The following TTF1 variants were observed in gnomAD, a reference collection of about 807,000 sequenced individuals.
TTF1 encodes the protein transcription termination factor 1.
A neutral mutation model predicts 80.2 loss-of-function variants in TTF1; 64 were observed. The ratio of observed to expected loss-of-function variants is 0.80; its 90% CI spans 0.65 to 0.98. TTF1 has a LOEUF of 0.98. Ranked by LOEUF, TTF1 falls within the 50% of genes least tolerant of loss-of-function variation. The pLI is 0.00. For synonymous variants in TTF1, 372 were observed against 382.7 expected, an observed-to-expected ratio of 0.97 and a Z score of 0.33; for missense variants, 1,023 against 1,086.2, an observed-to-expected ratio of 0.94 and a Z score of 0.82.
In TTF1 at chr9:132,401,983, TTC is replaced by T. The variant is rs1189891752; in HGVS notation, c.837_838del (p.Lys280GlufsTer9). On this transcript the variant is annotated frameshift_variant, in exon 2 of 11. Coordinates refer to ENST00000334270, the MANE Select transcript of TTF1 (RefSeq NM_007344.4). LOFTEE classifies it high-confidence loss of function. The stretch of plus-strand genomic sequence containing the variant: ...AAATTCCTGGTGATTGGACTTTTTC[TTC>T]TTTTTTTTCTTAGACTTTTTTTTGT... 11 of 1,613,834 alleles carry T rather than the reference TTC, an allele frequency of 6.8e-6. No homozygotes were observed. The highest frequency in any genetic ancestry group is 9.3e-6 in the Non-Finnish European group (11 of 1,179,964).
rs55751097 is a variant in TTF1 at position 132,399,215 on chromosome 9, GAA to G, written c.1591+818_1591+819del. Among the ~76,000 whole-genome samples the G allele has an allele frequency of 7.4e-4, 97 of 130,818 alleles. 1 individual carries two copies. The East Asian group carries it at 8.5e-3, about 12-fold the overall frequency. The allele number at this position is 130,818 out of a possible 152,430, so 85.8% of individuals were successfully genotyped here. ...CTCTGTCTCAAAAAAAAAAAAAAAA[GAA>G]AAAAAAAAAAGTCTTTTATGAAATA... On this transcript the variant is annotated intron_variant, in intron 3 of 10. Coordinates refer to ENST00000334270, the MANE Select transcript of TTF1 (RefSeq NM_007344.4).
chr9:132,378,346 TGA>T, intron 10 of TTF1, among the ~76,000 whole-genome samples: 1 of 127,940 alleles, frequency 7.8e-6, no homozygotes, highest in Non-Finnish European at 1.6e-5. Context: ...TCATGTGGTG[TGA>T]GTGCATGTGG....
At chr9:132,406,738 T>G (rs1169513088) in intron 1 of TTF1, 52 bp downstream of exon 1, 2 of 151,834 alleles carry the variant, frequency 1.3e-5, no homozygotes, top group African/African-American at 2.4e-5. Context: ...CACGCTGAGT[T>G]TTTACGCGCG....
In TTF1 at chr9:132,401,622, T is replaced by G. The variant is rs775474745; in HGVS notation, c.1200A>C (p.Ala400=). The G allele has an allele frequency of 7.4e-6, 12 of 1,614,102 alleles. No individual in the cohort carries two copies. In the African/African-American group the frequency reaches 1.6e-4, roughly 22 times the overall value. Residue 400 remains alanine, a synonymous_variant, in exon 2 of 11, where the codon GCA becomes GCC. Transcript: ENST00000334270. ...KKRKLTSVKR[A]RVSGDDFSVP... is the part of the protein sequence containing the mutation. ...CTGAAAAATCATCACCAGACACTCG[T>G]GCCCTTTTGACAGACGTAAGCTTCC...
At chr9:132,396,674 GTT>G (rs5900975) in intron 4 of TTF1, among the ~76,000 whole-genome samples, 163 bp from the exon 5 acceptor site, 54 of 140,216 alleles carry the variant, frequency 3.9e-4, no homozygotes, top group Non-Finnish European at 3.9e-4. Flanking sequence ...TTTTTTGTTT[GTT>G]TTTTTTTTTT....
At chr9:132,383,732 C>T (rs1434395553) in intron 9 of TTF1, among the ~76,000 whole-genome samples, 1 of 152,078 alleles carries the variant, frequency 6.6e-6, no homozygotes, top group Non-Finnish European at 1.5e-5. Context: ...CTGGAAGTCT[C>T]GAATAAACAC....
intron 9 of TTF1, among the ~76,000 whole-genome samples, chr9:132,381,743 C>A (rs114068432): frequency 0.011 from 1,719 of 152,270 alleles, 35 homozygotes; most frequent in African/African-American, 0.039. Flanking sequence ...ATTTCCAATT[C>A]TCCACATTCA....
chr9:132,380,238 T>C (rs999154810), intron 9 of TTF1, among the ~76,000 whole-genome samples: 1 of 151,956 alleles, frequency 6.6e-6, no homozygotes, highest in Non-Finnish European at 1.5e-5. Context: ...CCCAGCTAAA[T>C]TTTTGTATTT....
Position 132,375,775 on chromosome 9 carries a change from T to G in TTF1, c.*140A>C. The stretch of plus-strand genomic sequence containing the variant: ...TTGGCTCACTGCAACCTCCACCTCC[T>G]GGGTTCAAGCAATTCTCCTGCCTCA... On this transcript the variant is annotated 3_prime_UTR_variant, in exon 11 of 11. Coordinates refer to ENST00000334270, the MANE Select transcript of TTF1 (RefSeq NM_007344.4). 1.7e-6 allele frequency: 1 copy of G among 598,938 alleles called. No homozygotes were observed. Among genetic ancestry groups the G allele is most frequent in the Non-Finnish European group, 2.9e-6 (1 of 340,364 alleles). 37.1% of individuals were successfully genotyped at this position (598,938 alleles called of 1,614,324 possible).
In TTF1 at chr9:132,401,709, T is replaced by C. The variant is rs141270032; in HGVS notation, c.1113A>G (p.Glu371=). The C allele has an allele frequency of 1.1e-3, 1,784 of 1,614,230 alleles. 23 individuals carry two copies. In the African/African-American group the frequency reaches 0.02, roughly 19 times the overall value. The change falls in exon 2 of 11, where the codon GAA becomes GAG. Residue 371 remains glutamate, a synonymous_variant. Transcript: ENST00000334270. ...SQVGSEVGTV[E]GSTALKGFKE... ...TGAACCCTTTAAGAGCTGTACTGCC[T>C]TCCACAGTCCCAACCTCACTGCCCA...
At chr9:132,386,422 T>A in intron 9 of TTF1, 134 bp downstream of exon 9, 1 of 801,398 alleles carries the variant, frequency 1.2e-6, no homozygotes, top group Non-Finnish European at 2.0e-6. Context: ...GCAAATACAC[T>A]GAATTTTAAC....
intron 10 of TTF1, 60 bp from the exon 11 acceptor site, chr9:132,376,228 C>T (rs1233624736): frequency 1.9e-6 from 3 of 1,540,570 alleles, no homozygotes; most frequent in Middle Eastern, 1.8e-4. Context: ...TTATCAAGGT[C>T]GAGGCATACA....
In TTF1 at chr9:132,401,949, C is replaced by G. The variant is rs747287429; in HGVS notation, c.873G>C (p.Leu291Phe). 6.8e-6 allele frequency: 11 copies of G among 1,612,200 alleles called. No individual in the cohort carries two copies. The East Asian group carries it at 2.5e-4, about 36-fold the overall frequency. ...KKSNHQEFEA[L>F]AMPEGSQVGS... is the part of the protein sequence containing the mutation. ...CCACTTGTGATCCTTCAGGCATGGC[C>G]AATGCCTCAAATTCCTGGTGATTGG... The change falls in exon 2 of 11, where the codon TTG becomes TTC. Residue 291 changes from leucine to phenylalanine, a missense_variant. Physicochemically the swap from Leu to Phe is conservative, Grantham distance 22. Coordinates refer to ENST00000334270, the MANE Select transcript of TTF1 (RefSeq NM_007344.4).
At chr9:132,391,100 GT>G (rs1288232626) in intron 6 of TTF1, among the ~76,000 whole-genome samples, 1 of 152,156 alleles carries the variant, frequency 6.6e-6, no homozygotes, top group African/African-American at 2.4e-5. Flanking sequence ...TGTTCATCCT[GT>G]TTCTGAGAAC....
At chr9:132,392,321 G>T in intron 5 of TTF1, 115 bp from the exon 6 acceptor site, 1 of 1,273,512 alleles carries the variant, frequency 7.9e-7, no homozygotes, top group Non-Finnish European at 1.1e-6. Flanking sequence ...GGCTGTCAGG[G>T]AACCCGGTCA....
chr9:132,392,692 C>G (rs1849582452), intron 5 of TTF1, among the ~76,000 whole-genome samples: 1 of 152,162 alleles, frequency 6.6e-6, no homozygotes, highest in African/African-American at 2.4e-5. Flanking sequence ...TTCCTCCAGA[C>G]CAGCACTGCC....
intron 10 of TTF1, among the ~76,000 whole-genome samples, chr9:132,378,790 G>A (rs1453024952): frequency 6.6e-6 from 1 of 152,004 alleles, no homozygotes; most frequent in Non-Finnish European, 1.5e-5. Context: ...ACGAGTGTGT[G>A]TGTGTGATGG....
rs1385379700 is a variant in TTF1, at chr9:132,390,761, C to T, written c.2058G>A (p.Leu686=). 6.2e-7 allele frequency: 1 copy of T among 1,614,112 alleles called. No homozygotes were observed. The highest frequency in any genetic ancestry group is 8.5e-7 in the Non-Finnish European group (1 of 1,180,056). The change falls in exon 7 of 11, where the codon CTG becomes CTA. Residue 686 remains leucine (L), a synonymous_variant. Transcript: ENST00000334270. ...TTAACTCCTGGGGAGACATCTTCTT[C>T]AGAATCACTTCTTCGACAGCCTTGA... The part of the protein sequence containing the change: ...KLIKAVEEVI[L]KKMSPQELKE...
chr9:132,387,474 C>T (rs1421845091), intron 8 of TTF1, among the ~76,000 whole-genome samples: 20 of 152,054 alleles, frequency 1.3e-4, no homozygotes. Flanking sequence ...CATAACCACC[C>T]CCCGATCCAC....
Sources: gnomAD v4.1 joint callset for allele counts (sites outside exome capture counted in the v4.1 genomes callset) on GRCh38, gnomAD v4.1.1 for gene constraint, MANE v1.5 for transcripts, NCBI Gene and HGNC (gene_info 2026-07-23, HGNC 2026-07-21) for gene names.